Variants in NEDD4L observed in about 807,000 individuals in gnomAD.
The protein encoded by NEDD4L is NEDD4 like E3 ubiquitin protein ligase.
In NEDD4L, 54 loss-of-function variants were observed where a neutral mutation model predicts 148.9. The ratio of observed to expected loss-of-function variants is 0.36; its 90% CI spans 0.29 to 0.45. NEDD4L has a LOEUF of 0.45. NEDD4L is among the 20% of genes least tolerant of loss of function. The pLI is 1.00. For synonymous variants in NEDD4L, 433 were observed against 440.7 expected (o/e 0.98, Z 0.22); for missense variants, 856 against 1,233.8 (o/e 0.69, Z 4.59).
At chr18:58,365,972 A>G in intron 20 of NEDD4L, 27 bp from the exon 21 acceptor site, 3 of 1,481,338 alleles carry the variant, frequency 2.0e-6, no homozygotes. Flanking sequence ...CTGTATGATT[A>G]TGTGTTTTCT....
At chr18:58,307,410 G>T (rs2057197323) in intron 5 of NEDD4L, among the ~76,000 whole-genome samples, 1 of 152,120 alleles carries the variant, frequency 6.6e-6, no homozygotes. Flanking sequence ...TCGTAGTCAT[G>T]TGACAAGGAC....
chr18:58,318,170 A>T (rs1050281632), intron 6 of NEDD4L, among the ~76,000 whole-genome samples: 2 of 152,152 alleles, frequency 1.3e-5, no homozygotes, highest in Non-Finnish European at 2.9e-5. Context: ...CGAATTATGG[A>T]TGCTGTGTTC....
At chr18:58,337,111 C>G (rs569506435) in intron 13 of NEDD4L, among the ~76,000 whole-genome samples, 25 of 152,136 alleles carry the variant, frequency 1.6e-4, no homozygotes, top group Middle Eastern at 3.4e-3. Flanking sequence ...ACAAGGTGAC[C>G]CCTCTGAATG....
chr18:58,334,141 T>C, intron 12 of NEDD4L: 1 of 422,840 alleles, frequency 2.4e-6, no homozygotes, highest in Non-Finnish European at 4.2e-6. Flanking sequence ...CCAATTTTGA[T>C]TTGCTCACTT....
chr18:58,365,151 T>C (rs2045953437), intron 20 of NEDD4L, among the ~76,000 whole-genome samples: 1 of 152,222 alleles, frequency 6.6e-6, no homozygotes, highest in Non-Finnish European at 1.5e-5. Flanking sequence ...TCTGCTCTCA[T>C]TTAGGGGTTT....
chr18:58,081,586 A>C (rs1420619464), intron 1 of NEDD4L, among the ~76,000 whole-genome samples: 1 of 152,114 alleles, frequency 6.6e-6, no homozygotes, highest in African/African-American at 2.4e-5. Context: ...ACACTTTAGG[A>C]AATCTGGATG....
chr18:58,347,453 TG>T (rs1184150815), intron 16 of NEDD4L, among the ~76,000 whole-genome samples: 1 of 152,082 alleles, frequency 6.6e-6, no homozygotes, highest in Non-Finnish European at 1.5e-5. Flanking sequence ...GAGTTAGCAT[TG>T]AGTGGGTAGC....
In NEDD4L at chr18:58,367,637, A is replaced by G. The variant is rs114960618; in HGVS notation, c.2064-109A>G. ...GCCCACACATTTTCCCACTAGGTAC[A>G]GAATGCTCGCAGGGACACTGTAAAA... On this transcript the variant is annotated intron_variant, in intron 21 of 30. Coordinates refer to ENST00000400345, the MANE Select transcript of NEDD4L (RefSeq NM_001144967.3). The G allele has an allele frequency of 5.8e-4, 691 of 1,198,398 alleles. 6 individuals carry two copies. The African/African-American group carries it at 8.7e-3, about 15-fold the overall frequency. The allele number at this position is 1,198,398 out of a possible 1,614,324, so 74.2% of individuals were successfully genotyped here. A position where few individuals can be genotyped will look rare whatever the true frequency, so the allele number is the denominator to read the frequency against.
chr18:58,389,584 A>T (rs181823292), intron 28 of NEDD4L: 86 of 165,016 alleles, frequency 5.2e-4, no homozygotes, highest in African/African-American at 2.0e-3. Flanking sequence ...TCAATTTTTA[A>T]AATATATTCC....
In NEDD4L at chr18:58,150,146, A is replaced by G. The variant is rs1021203765; in HGVS notation, c.49-15642A>G. ...TAAAATGGCATTCTGTATCCTGGGA[A>G]GGGACGATGTCTTTCAGTTCTAAAT... On this transcript the variant is annotated intron_variant, in intron 1 of 30. Coordinates refer to ENST00000400345, the MANE Select transcript of NEDD4L (RefSeq NM_001144967.3). 1.3e-4 allele frequency among the ~76,000 whole-genome samples: 20 copies of G among 152,348 alleles called. No individual in the cohort carries two copies. In the South Asian group the frequency reaches 3.9e-3, roughly 30 times the overall value.
In NEDD4L at chr18:58,314,418, CA is replaced by C. The variant is rs34786147; in HGVS notation, c.298-1549del. 297 of 132,778 alleles carry C rather than the reference CA, an allele frequency of 2.2e-3. 2 individuals are homozygous for C. The highest frequency in any genetic ancestry group is 0.02 in the East Asian group (92 of 4,510). The allele number at this position is 132,778 out of a possible 1,614,324, so 8.2% of individuals were successfully genotyped here. On this transcript the variant is annotated intron_variant, in intron 5 of 30. Coordinates refer to ENST00000400345, the MANE Select transcript of NEDD4L (RefSeq NM_001144967.3). ...GGCGACAGAGCAAGAGACTCTGTCT[CA>C]AAAAAAAAAAAAAATAGTGAAATCA...
rs1261302192 is a variant in NEDD4L at position 58,400,934 on chromosome 18, T to C, written c.*4665T>C. The C allele has an allele frequency of 6.6e-6, 1 of 152,186 alleles. No homozygotes were observed. The highest frequency in any genetic ancestry group is 1.5e-5 in the Non-Finnish European group (1 of 68,032). The allele number at this position is 152,186 out of a possible 1,614,324, so 9.4% of individuals were successfully genotyped here. ...TATACGTACATATGCTGTCCAAATATATTTGTATATATTTGTATAGCATTT... is the reference window on the plus strand; with the variant it reads ...TATACGTACATATGCTGTCCAAATACATTTGTATATATTTGTATAGCATTT... On this transcript the variant is annotated 3_prime_UTR_variant, in exon 31 of 31. Transcript: ENST00000400345.
chr18:58,291,984 T>C (rs2054825568), intron 5 of NEDD4L, among the ~76,000 whole-genome samples: 1 of 152,210 alleles, frequency 6.6e-6, no homozygotes. Context: ...ATAAATTATC[T>C]GGCCTTTAAT....
In NEDD4L at chr18:58,389,106, G is replaced by C; in HGVS notation, c.2569G>C (p.Asp857His). Residue 857 changes from aspartate (D) to histidine (H), a missense_variant, in exon 28 of 31, where the codon GAT becomes CAT. Coordinates refer to ENST00000400345, the MANE Select transcript of NEDD4L (RefSeq NM_001144967.3). ...CTAGTTGCTCATGTGCGGCCTCGGT[G>C]ATGTGGATGTGAATGACTGGAGACA... is the stretch of plus-strand genomic sequence containing the variant. ...ELELLMCGLG[D>H]VDVNDWRQHS... 1 of 1,614,016 alleles carries C rather than the reference G, an allele frequency of 6.2e-7. No individual in the cohort carries two copies. The highest frequency in any genetic ancestry group is 8.5e-7 in the Non-Finnish European group (1 of 1,179,872).
At chr18:58,321,018 G>A (rs547083721) in intron 6 of NEDD4L, among the ~76,000 whole-genome samples, 76 of 152,220 alleles carry the variant, frequency 5.0e-4, no homozygotes, top group African/African-American at 1.7e-3. Context: ...TGAATTTTGA[G>A]AGCCTCCATA....
chr18:58,343,050 G>T lies in NEDD4L; in HGVS notation c.1522G>T (p.Ala508Ser). ...FLPPGWEMRI[A>S]PNGRPFFIDH... ...GCCACCCGGCTGGGAAATGAGGATA[G>T]CGCCAAACGGCCGGCCCTTCTTCAT... The change falls in exon 16 of 31, where the codon GCG becomes TCG. Residue 508 changes from alanine (A) to serine (S), a missense_variant. Ala to Ser is a moderately conservative substitution (Grantham distance 99, BLOSUM62 1). Transcript: ENST00000400345. 5.6e-6 allele frequency: 9 copies of T among 1,612,978 alleles called. No individual in the cohort carries two copies. Among genetic ancestry groups the T allele is most frequent in the Non-Finnish European group, 7.6e-6 (9 of 1,179,422 alleles).
At chr18:58,330,537 G>A (rs1170352807) in intron 10 of NEDD4L, among the ~76,000 whole-genome samples, 5 of 152,214 alleles carry the variant, frequency 3.3e-5, no homozygotes, top group African/African-American at 4.8e-5. Flanking sequence ...GTTATTTTCT[G>A]TGCCTCAGTT....
chr18:58,120,363 A>G (rs1017983974), intron 1 of NEDD4L, among the ~76,000 whole-genome samples: 3 of 152,200 alleles, frequency 2.0e-5, no homozygotes, highest in African/African-American at 7.2e-5. Context: ...CCCTCCCTCT[A>G]CGATGAGGTT....
intron 1 of NEDD4L, among the ~76,000 whole-genome samples, chr18:58,094,360 ATT>A: frequency 6.6e-6 from 1 of 150,546 alleles, no homozygotes; most frequent in Admixed American, 6.6e-5. Flanking sequence ...AATTTTTTGT[ATT>A]TTTTTATAGA....
Sources: gnomAD v4.1 joint callset for allele counts (sites outside exome capture counted in the v4.1 genomes callset) on GRCh38, gnomAD v4.1.1 for gene constraint, MANE v1.5 for transcripts, NCBI Gene and HGNC (gene_info 2026-07-23, HGNC 2026-07-21) for gene names.